Variants in PLXNC1 observed in about 807,000 individuals in gnomAD.
The protein encoded by PLXNC1 is plexin C1, also known as plexin-C1.
A neutral mutation model predicts 178.2 loss-of-function variants in PLXNC1; 75 were observed. The observed-to-expected ratio is 0.42, with a 90% CI of 0.35 to 0.51. PLXNC1 has a LOEUF of 0.51. PLXNC1 is among the 20% of genes least tolerant of loss of function. The probability of loss-of-function intolerance (pLI) is 0.02; values close to 1 mark genes in which losing one functional copy is unlikely to be tolerated. For missense variants in PLXNC1, 1,503 were observed against 1,984.4 expected (o/e 0.76, Z 4.61); for synonymous variants, 790 against 779.9 (o/e 1.01, Z -0.22).
chr12:94,223,564 C>T (rs1369361315), intron 6 of PLXNC1, among the ~76,000 whole-genome samples: 1 of 152,154 alleles, frequency 6.6e-6, no homozygotes, highest in Non-Finnish European at 1.5e-5. Flanking sequence ...GGAATCACTA[C>T]CTTGGATAGA....
chr12:94,199,005 A>C (rs934320032), intron 4 of PLXNC1, among the ~76,000 whole-genome samples: 1 of 152,204 alleles, frequency 6.6e-6, no homozygotes, highest in Non-Finnish European at 1.5e-5. Context: ...AAATGAGGAA[A>C]GAGAGAACAT....
Position 94,148,914 on chromosome 12 carries a change from C to T in PLXNC1, c.-58C>T, listed in dbSNP as rs1438323814. 1.7e-6 allele frequency: 1 copy of T among 596,730 alleles called. No homozygotes were observed. Among genetic ancestry groups the T allele is most frequent in the Non-Finnish European group, 2.2e-6 (1 of 449,728 alleles). 37.0% of individuals were successfully genotyped at this position (596,730 alleles called of 1,614,324 possible). The stretch of plus-strand genomic sequence containing the variant: ...GCCGCCGCCCGCGTCTCCGTTGCCG[C>T]GCGCCTGAGCCGCCGTCGCCGCCGC... On this transcript the variant is annotated 5_prime_UTR_variant, in exon 1 of 31. Coordinates refer to ENST00000258526, the MANE Select transcript of PLXNC1 (RefSeq NM_005761.3). The surrounding 1 kb of genome is among the most constrained non-coding windows in gnomAD (Gnocchi z 4.8).
At chr12:94,253,165 C>T (rs1001002841) in intron 15 of PLXNC1, among the ~76,000 whole-genome samples, 1 of 133,434 alleles carries the variant, frequency 7.5e-6, no homozygotes, top group African/African-American at 2.8e-5. Context: ...GAGCCGAGAT[C>T]GTGCCACTGC....
chr12:94,219,625 G>A (rs536037141), intron 5 of PLXNC1, among the ~76,000 whole-genome samples: 5 of 152,052 alleles, frequency 3.3e-5, no homozygotes, highest in Non-Finnish European at 7.4e-5. Context: ...AATAGATTAG[G>A]AGAAAAATAT....
intron 1 of PLXNC1, among the ~76,000 whole-genome samples, chr12:94,163,325 T>C (rs1961461716): frequency 6.6e-6 from 1 of 151,954 alleles, no homozygotes; most frequent in Admixed American, 6.6e-5. Context: ...GCCACTACAC[T>C]CCAGCCTGGG....
At chr12:94,252,984 G>A (rs935328012) in intron 15 of PLXNC1, among the ~76,000 whole-genome samples, 4 of 152,144 alleles carry the variant, frequency 2.6e-5, no homozygotes, top group Admixed American at 6.5e-5. Context: ...AGGCTGAGGC[G>A]GGTGGATCAC....
chr12:94,272,802 G>T (rs76832178), intron 21 of PLXNC1, among the ~76,000 whole-genome samples: 7,196 of 152,262 alleles, frequency 0.047, 286 homozygotes, highest in African/African-American at 0.1. Flanking sequence ...GGGTGGCACC[G>T]GAGGCACAGG....
At position 94,209,626 on chromosome 12, in the gene PLXNC1, C is replaced by A. The variant is rs1236345601; in HGVS notation, c.1476C>A (p.Asn492Lys). 1 of 1,608,822 alleles carries A rather than the reference C, an allele frequency of 6.2e-7. No homozygotes were observed. The highest frequency in any genetic ancestry group is 1.1e-5 in the South Asian group (1 of 91,022). The change falls in exon 5 of 31, where the codon AAC (asparagine) becomes AAA (lysine). Residue 492 changes from asparagine (N) to lysine (K), a missense_variant. Physicochemically the swap from Asn to Lys is moderately conservative, Grantham distance 94 (BLOSUM62 0). This residue lies in a region of PLXNC1 where 615 missense variants were observed against 698.6 expected (regional missense o/e 0.88). Coordinates refer to ENST00000258526, the MANE Select transcript of PLXNC1 (RefSeq NM_005761.3). ...TFQGDCVHSENLENWLDISSG... is the reference protein window; with the variant it reads ...TFQGDCVHSEKLENWLDISSG... ...AAGGAGATTGTGTACATTCAGAGAA[C>A]TTAGAAAACTGGCTGGATATTTCGT...
chr12:94,165,932 A>G (rs1381620614), intron 1 of PLXNC1, among the ~76,000 whole-genome samples: 2 of 152,036 alleles, frequency 1.3e-5, no homozygotes, highest in African/African-American at 4.8e-5. Flanking sequence ...GGCTTCTGTT[A>G]TCAATGAGGA....
intron 11 of PLXNC1, among the ~76,000 whole-genome samples, chr12:94,241,987 A>AAG (rs1307660329): frequency 1.3e-5 from 2 of 151,204 alleles, no homozygotes; most frequent in South Asian, 4.2e-4. Flanking sequence ...TAAAAAAAAA[A>AAG]AAGAAGAAGA....
intron 1 of PLXNC1, among the ~76,000 whole-genome samples, chr12:94,156,220 A>G (rs1257445562): frequency 1.3e-5 from 2 of 152,206 alleles, no homozygotes; most frequent in African/African-American, 4.8e-5. Context: ...TACTATCATC[A>G]CCATCATTAC....
intron 12 of PLXNC1, among the ~76,000 whole-genome samples, chr12:94,247,588 T>C (rs1340472151): frequency 6.6e-6 from 1 of 152,204 alleles, no homozygotes; most frequent in Non-Finnish European, 1.5e-5. Context: ...CCTAGTCTCT[T>C]TTCCCATGGC....
chr12:94,207,562 A>G (rs987502871), intron 4 of PLXNC1, among the ~76,000 whole-genome samples: 3 of 152,248 alleles, frequency 2.0e-5, no homozygotes, highest in African/African-American at 7.2e-5. Context: ...TTTGCATATC[A>G]TGCTGCCAGA....
chr12:94,289,525 T>C (rs1592956119), intron 23 of PLXNC1, among the ~76,000 whole-genome samples: 1 of 152,246 alleles, frequency 6.6e-6, no homozygotes, highest in South Asian at 2.1e-4. Context: ...ATCCCTAAAG[T>C]AGGGGCCCAG....
At chr12:94,214,341 C>G (rs1963582870) in intron 5 of PLXNC1, among the ~76,000 whole-genome samples, 1 of 152,152 alleles carries the variant, frequency 6.6e-6, no homozygotes, top group Non-Finnish European at 1.5e-5. Flanking sequence ...CCCACCTCAG[C>G]CTCTCAAAGT....
At chr12:94,282,118 A>T in intron 22 of PLXNC1, 180 bp from the exon 23 acceptor site, 1 of 516,808 alleles carries the variant, frequency 1.9e-6, no homozygotes. Flanking sequence ...TCAGAGCCCT[A>T]AACAAACAAA....
In PLXNC1 at chr12:94,212,407, T is replaced by C. The variant is rs367940681; in HGVS notation, c.1554+2703T>C. 7.0e-4 allele frequency among the ~76,000 whole-genome samples: 107 copies of C among 152,048 alleles called. No individual in the cohort carries two copies. The East Asian group carries it at 0.01, about 15-fold the overall frequency. ...TTGTTACATAGGTATACATGTGCCA[T>C]GTTGGTTTGCTGCACCCATCAGCTC... is the stretch of plus-strand genomic sequence containing the variant. On this transcript the variant is annotated intron_variant, in intron 5 of 30. Coordinates refer to ENST00000258526, the MANE Select transcript of PLXNC1 (RefSeq NM_005761.3).
Position 94,269,548 on chromosome 12 carries a change from C to T in PLXNC1, c.3597+4323C>T, listed in dbSNP as rs76418743. On this transcript the variant is annotated intron_variant, in intron 21 of 30. Transcript: ENST00000258526. ...CTACCAGTGCTGGCTGCTTCTGTTC[C>T]ATTTAGTTTGTCCTTGCAGAAGATC... 7.9e-4 allele frequency among the ~76,000 whole-genome samples: 121 copies of T among 152,304 alleles called. No individual in the cohort carries two copies. In the East Asian group the frequency reaches 0.021, roughly 27 times the overall value.
chr12:94,247,526 C>T (rs1040940940), intron 12 of PLXNC1, among the ~76,000 whole-genome samples: 5 of 152,142 alleles, frequency 3.3e-5, no homozygotes, highest in South Asian at 2.1e-4. Context: ...CCCAAGGACA[C>T]CTAAGCCCCT....
Sources: gnomAD v4.1 joint callset for allele counts (sites outside exome capture counted in the v4.1 genomes callset) on GRCh38, gnomAD v4.1.1 for gene constraint, gnomAD v4.1.1 regional missense constraint, Gnocchi (gnomAD v3.1) non-coding constraint, MANE v1.5 for transcripts, NCBI Gene and HGNC (gene_info 2026-07-23, HGNC 2026-07-21) for gene names.